The following RAB4B variants were observed in gnomAD, a reference collection of about 807,000 sequenced individuals.
The protein encoded by RAB4B is RAB4B, member RAS oncogene family, also known as ras-related protein Rab-4B.
Under a neutral mutation model 28.3 loss-of-function variants are expected in RAB4B, and 15 were observed. The ratio of observed to expected loss-of-function variants is 0.53; its 90% CI spans 0.35 to 0.82. RAB4B has a LOEUF of 0.82. Ranked by LOEUF, RAB4B falls within the 40% of genes least tolerant of loss-of-function variation. The pLI, the probability that RAB4B is intolerant of heterozygous loss-of-function variation, is 0.01. For synonymous variants in RAB4B, 108 were observed against 116.3 expected (o/e 0.93, Z 0.46); for missense variants, 244 against 288.5 (o/e 0.85, Z 1.12).
intron 7 of RAB4B, among the ~76,000 whole-genome samples, chr19:40,793,587 T>C (rs1304282098): frequency 2.4e-5 from 3 of 122,648 alleles, no homozygotes; most frequent in Non-Finnish European, 5.6e-5. Context: ...TTTTTTTTTT[T>C]TTTTTTTTAG....
Position 40,786,917 on chromosome 19 carries a change from A to G in RAB4B, c.596A>G (p.Gln199Arg). ...GATGCGTCCCTCCGCCAGCTTCGGC[A>G]GCCTCGGAGTGCCCAGGCCGTGGCC... is the stretch of plus-strand genomic sequence containing the variant. ...YGDASLRQLR[Q>R]PRSAQAVAPQ... The change falls in exon 7 of 8, where the codon CAG (glutamine) becomes CGG (arginine). Residue 199 changes from glutamine (Q) to arginine (R), a missense_variant. Gln to Arg is a conservative substitution (Grantham distance 43). Transcript: ENST00000357052. The G allele has an allele frequency of 1.2e-6, 2 of 1,614,050 alleles. No individual in the cohort carries two copies. The highest frequency in any genetic ancestry group is 1.7e-6 in the Non-Finnish European group (2 of 1,179,956).
chr19:40,778,283 G>C lies in RAB4B; in HGVS notation c.-93G>C. ...TGCCGGGCCCGGGGAGTAGGAAGGA[G>C]CCGGGGCTGTAGCCGGAGTGGAGCG... On this transcript the variant is annotated 5_prime_UTR_variant, in exon 1 of 8. Transcript: ENST00000357052. The C allele has an allele frequency of 7.7e-7, 1 of 1,301,598 alleles. No homozygotes were observed. The highest frequency in any genetic ancestry group is 2.6e-5 in the Admixed American group (1 of 39,016). 80.6% of individuals were successfully genotyped at this position (1,301,598 alleles called of 1,614,324 possible).
chr19:40,781,140 A>G (rs929951073), intron 3 of RAB4B, among the ~76,000 whole-genome samples: 2 of 150,108 alleles, frequency 1.3e-5, no homozygotes, highest in Non-Finnish European at 3.0e-5. Context: ...AAAAAAATCA[A>G]AAAATGTAGC....
intron 7 of RAB4B, chr19:40,792,479 C>G (rs1486531940): frequency 6.6e-6 from 1 of 152,230 alleles, no homozygotes; most frequent in Admixed American, 6.5e-5. Context: ...AGAGTTTGCC[C>G]TCAGTAGGTG....
In RAB4B at chr19:40,778,285, C is replaced by T. The variant is rs1017676693; in HGVS notation, c.-91C>T. 4.6e-6 allele frequency: 6 copies of T among 1,311,186 alleles called. No homozygotes were observed. The African/African-American group carries it at 9.3e-5, about 20-fold the overall frequency. The allele number at this position is 1,311,186 out of a possible 1,614,324, so 81.2% of individuals were successfully genotyped here. ...CCGGGCCCGGGGAGTAGGAAGGAGC[C>T]GGGGCTGTAGCCGGAGTGGAGCGGC... On this transcript the variant is annotated 5_prime_UTR_variant, in exon 1 of 8. Transcript: ENST00000357052.
At chr19:40,791,365 A>G (rs972549420) in intron 7 of RAB4B, among the ~76,000 whole-genome samples, 12 of 151,872 alleles carry the variant, frequency 7.9e-5, no homozygotes, top group Non-Finnish European at 1.5e-4. Context: ...CTTTTTCAAA[A>G]CCATCCATGC....
rs778366568 is a variant in RAB4B at position 40,783,829 on chromosome 19, C to T, written c.264C>T (p.Tyr88=). 2.0e-5 allele frequency: 31 copies of T among 1,574,262 alleles called. No homozygotes were observed. Among genetic ancestry groups the T allele is most frequent in the South Asian group, 6.9e-5 (6 of 86,548 alleles). The change falls in exon 4 of 8, where the codon TAC becomes TAT. Residue 88 remains tyrosine (Y), a synonymous_variant. Coordinates refer to ENST00000357052, the MANE Select transcript of RAB4B (RefSeq NM_016154.5). ...YRGAAGALLV[Y]DITSRETYNS... is the part of the protein sequence containing the mutation. ...GGGCGGCTGGAGCCCTGCTGGTGTA[C>T]GACATCACCAGGTGGGTGCCCGGGG...
At chr19:40,788,588 C>CT (rs781198553) in intron 7 of RAB4B, among the ~76,000 whole-genome samples, 47 of 135,788 alleles carry the variant, frequency 3.5e-4, no homozygotes, top group African/African-American at 3.8e-4. Flanking sequence ...GAGGAGTGTA[C>CT]TTTTTTTTTT....
At chr19:40,793,795 G>A (rs192446435) in intron 7 of RAB4B, among the ~76,000 whole-genome samples, 3 of 151,430 alleles carry the variant, frequency 2.0e-5, no homozygotes, top group Non-Finnish European at 2.9e-5. Context: ...GTGGTGGTGT[G>A]CTCCTGTAAT....
intron 7 of RAB4B, among the ~76,000 whole-genome samples, chr19:40,788,143 C>T (rs2083120315): frequency 1.3e-5 from 2 of 151,802 alleles, no homozygotes; most frequent in Non-Finnish European, 2.9e-5. Context: ...GCAGGGAGTA[C>T]AACAGACTCC....
chr19:40,778,871 C>T (rs1004997355), intron 1 of RAB4B, among the ~76,000 whole-genome samples: 57 of 151,834 alleles, frequency 3.8e-4, no homozygotes, highest in African/African-American at 1.4e-3. Context: ...GGGACTTATG[C>T]ATGAGAATGG....
chr19:40,786,649 G>C lies in RAB4B; in HGVS notation c.431-16G>C. 6.2e-7 allele frequency: 1 copy of C among 1,613,888 alleles called. No homozygotes were observed. Among genetic ancestry groups the C allele is most frequent in the Non-Finnish European group, 8.5e-7 (1 of 1,179,874 alleles). ...GACTAACTGGGGCCCTGACCTCAGA[G>C]TGTGTGCCCCTGCAGAGCTGATGTT... On this transcript the variant is annotated splice_polypyrimidine_tract_variant and intron_variant, in intron 5 of 7. Transcript: ENST00000357052.
At chr19:40,795,430 C>A (rs1297959842) in intron 7 of RAB4B, among the ~76,000 whole-genome samples, 1 of 151,146 alleles carries the variant, frequency 6.6e-6, no homozygotes, top group Non-Finnish European at 1.5e-5. Context: ...GATGGAGTGT[C>A]CCTCTGTTGC....
rs760069769 is a variant in RAB4B, at chr19:40,780,007, C to T, written c.17-12C>T. ...CCTGTGGGTATCCCTGATTTTGGCT[C>T]CATCTGGTCAGACTTCCTCTTCAAA... On this transcript the variant is annotated splice_polypyrimidine_tract_variant and intron_variant, in intron 1 of 7. Transcript: ENST00000357052. 1.7e-5 allele frequency: 28 copies of T among 1,612,224 alleles called. No individual in the cohort carries two copies. The South Asian group carries it at 2.9e-4, about 16-fold the overall frequency.
chr19:40,783,377 T>C (rs910824100), intron 3 of RAB4B, among the ~76,000 whole-genome samples: 1 of 150,540 alleles, frequency 6.6e-6, no homozygotes, highest in African/African-American at 2.4e-5. Flanking sequence ...GCCTAGGAGG[T>C]CGAGGATGCA....
chr19:40,783,736 G>C, intron 3 of RAB4B, 42 bp from the exon 4 acceptor site: 1 of 1,514,532 alleles, frequency 6.6e-7, no homozygotes, highest in East Asian at 2.3e-5. Flanking sequence ...TCTCGGGGCA[G>C]ACCCCAGCCT....
intron 7 of RAB4B, chr19:40,796,182 G>C (rs1460313436): frequency 6.6e-6 from 1 of 152,196 alleles, no homozygotes; most frequent in East Asian, 1.9e-4. Flanking sequence ...GTATGTTTTT[G>C]TAGAGACGGG....
chr19:40,781,903 C>T (rs2083052094), intron 3 of RAB4B, among the ~76,000 whole-genome samples: 1 of 151,552 alleles, frequency 6.6e-6, no homozygotes, highest in Non-Finnish European at 1.5e-5. Context: ...CGCTGGAAGT[C>T]CCAGCTACTT....
chr19:40,784,031 G>T lies in RAB4B; in HGVS notation c.386G>T (p.Arg129Leu), dbSNP rs754608109. ...AACAAGAAGGACCTGGACCCTGAGC[G>T]GGAGGTCACTTTCCTGGAGGCCTCC... is the stretch of plus-strand genomic sequence containing the variant. ...CGNKKDLDPEREVTFLEASRF... is the reference protein window; with the variant it reads ...CGNKKDLDPELEVTFLEASRF... Residue 129 changes from arginine to leucine, a missense_variant, in exon 5 of 8, where the codon CGG (arginine) becomes CTG (leucine). Transcript: ENST00000357052. 3 of 1,613,964 alleles carry T rather than the reference G, an allele frequency of 1.9e-6. No homozygotes were observed. The highest frequency in any genetic ancestry group is 2.5e-6 in the Non-Finnish European group (3 of 1,179,840).
Sources: allele counts gnomAD v4.1 joint callset (sites outside exome capture counted in the v4.1 genomes callset), GRCh38; gene constraint gnomAD v4.1.1; transcripts MANE v1.5; gene names NCBI Gene and HGNC (gene_info 2026-07-23, HGNC 2026-07-21).